The following PFKFB3 variants were observed in gnomAD, a reference collection of about 807,000 sequenced individuals.
The protein encoded by PFKFB3 is 6-phosphofructo-2-kinase/fructose-2,6-biphosphatase 3.
In PFKFB3, 33 loss-of-function variants were observed where a neutral mutation model predicts 68.0. The ratio of observed to expected loss-of-function variants is 0.49; its 90% CI spans 0.37 to 0.65. The LOEUF (loss-of-function observed/expected upper bound fraction) is 0.65, where lower values mean the gene tolerates loss of function less well. PFKFB3 is among the 30% of genes least tolerant of loss of function. PFKFB3 has a pLI of 0.00. For missense variants in PFKFB3, 586 were observed against 712.2 expected (o/e 0.82, Z 2.02); for synonymous variants, 315 against 288.2 (o/e 1.09, Z -0.94).
chr10:6,187,745 G>A (rs1473782138), intron 1 of PFKFB3, among the ~76,000 whole-genome samples: 1 of 152,122 alleles, frequency 6.6e-6, no homozygotes, highest in African/African-American at 2.4e-5. Flanking sequence ...CCGAAACTGA[G>A]GATCATCCTT....
chr10:6,185,815 T>C (rs1468849182), intron 1 of PFKFB3, among the ~76,000 whole-genome samples: 1 of 152,006 alleles, frequency 6.6e-6, no homozygotes, highest in African/African-American at 2.4e-5. Flanking sequence ...AATTTTTGTA[T>C]TTTTAGTTGA....
the PFKFB3 span, among the ~76,000 whole-genome samples, chr10:6,321,798 C>G: frequency 2.0e-5 from 3 of 152,176 alleles, no homozygotes; most frequent in African/African-American, 4.8e-5. Flanking sequence ...TGGCTCAACT[C>G]TATGTAGAAA....
chr10:6,249,145 G>A lies in PFKFB3; in HGVS notation c.1516-5033G>A, dbSNP rs554373734. On this transcript the variant is annotated intron_variant, in intron 14 of 14. Transcript: ENST00000640683. Reference sequence around the variant, plus strand: ...GCTGAGATTGCGCCATTGCACTCCAGCCTAGGCAACAAGAGCAAAACTCCG... The same window carrying A: ...GCTGAGATTGCGCCATTGCACTCCAACCTAGGCAACAAGAGCAAAACTCCG... Among the ~76,000 whole-genome samples, 184 of 127,100 alleles carry A rather than the reference G, an allele frequency of 1.4e-3. 1 individual carries two copies. The highest frequency in any genetic ancestry group is 5.1e-3 in the African/African-American group (165 of 32,424). 83.4% of individuals were successfully genotyped at this position (127,100 alleles called of 152,430 possible). A position where few individuals can be genotyped will look rare whatever the true frequency, so the allele number is the denominator to read the frequency against.
At position 6,249,195 on chromosome 10, in the gene PFKFB3, AAAAAAAAAG is replaced by A. The variant is rs1156703660; in HGVS notation, c.1516-4978_1516-4970del. 1.5e-4 allele frequency among the ~76,000 whole-genome samples: 23 copies of A among 148,392 alleles called. No homozygotes were observed. The East Asian group carries it at 5.9e-3, about 38-fold the overall frequency. The stretch of plus-strand genomic sequence containing the variant: ...GTCTCAATTAAAAAAAAAAAAAAAA[AAAAAAAAAG>A]AAAAGAAAAGGAAACCCTTGTACAC... On this transcript the variant is annotated intron_variant, in intron 14 of 14. Transcript: ENST00000640683.
At chr10:6,307,519 TTCCTTCC>T in the PFKFB3 span, among the ~76,000 whole-genome samples, 1 of 39,570 alleles carries the variant, frequency 2.5e-5, no homozygotes, top group Non-Finnish European at 8.4e-5. Context: ...TTTTCCTTCC[TTCCTTCC>T]TTCCTTCCTT....
the PFKFB3 span, among the ~76,000 whole-genome samples, chr10:6,301,332 C>T: frequency 6.6e-6 from 1 of 152,186 alleles, no homozygotes; most frequent in African/African-American, 2.4e-5. Context: ...GGTACAGTCC[C>T]TGGGTGCTTC....
the PFKFB3 span, among the ~76,000 whole-genome samples, chr10:6,273,945 C>T: frequency 6.6e-6 from 1 of 152,144 alleles, no homozygotes; most frequent in African/African-American, 2.4e-5. Context: ...ACAGCTCATT[C>T]CCATAATCTC....
At chr10:6,183,755 T>C (rs1842790197) in intron 1 of PFKFB3, among the ~76,000 whole-genome samples, 1 of 151,244 alleles carries the variant, frequency 6.6e-6, no homozygotes, top group Non-Finnish European at 1.5e-5. Context: ...TGGCGTGATC[T>C]CGGCTCACTG....
intron 1 of PFKFB3, among the ~76,000 whole-genome samples, chr10:6,206,219 C>T (rs1214398783): frequency 6.3e-4 from 92 of 145,166 alleles, no homozygotes; most frequent in African/African-American, 2.3e-3. Flanking sequence ...CTTAATCCAT[C>T]CAACCCTGAG....
At chr10:6,242,639 G>A (rs1190700159) in intron 14 of PFKFB3, among the ~76,000 whole-genome samples, 1 of 150,636 alleles carries the variant, frequency 6.6e-6, no homozygotes, top group African/African-American at 2.4e-5. Context: ...CCAGGCTGGA[G>A]TGCAATGGTG....
chr10:6,203,789 C>T (rs565876748), intron 1 of PFKFB3, among the ~76,000 whole-genome samples: 102 of 152,346 alleles, frequency 6.7e-4, no homozygotes, highest in Non-Finnish European at 1.3e-3. Flanking sequence ...TTCCTATCCC[C>T]TCGCTTCACT....
intron 8 of PFKFB3, among the ~76,000 whole-genome samples, chr10:6,221,078 T>C (rs1394204725): frequency 6.6e-6 from 1 of 152,142 alleles, no homozygotes; most frequent in East Asian, 1.9e-4. Flanking sequence ...CGCCTATCCA[T>C]GTGGCTTTGT....
intron 8 of PFKFB3, among the ~76,000 whole-genome samples, chr10:6,221,146 ATC>A (rs1658565857): frequency 6.6e-6 from 1 of 151,582 alleles, no homozygotes; most frequent in Non-Finnish European, 1.5e-5. Context: ...TGGTGTGTGT[ATC>A]TCTGTGCATG....
chr10:6,276,293 T>C, the PFKFB3 span, among the ~76,000 whole-genome samples: 1,147 of 152,246 alleles, frequency 7.5e-3, 12 homozygotes, highest in African/African-American at 0.027. Context: ...GTTGTTTATT[T>C]ATATGTATGT....
rs1274821397 is a variant in PFKFB3 at position 6,216,956 on chromosome 10, G to A, written c.441+176G>A. On this transcript the variant is annotated intron_variant, in intron 5 of 14. Coordinates refer to ENST00000379775, the MANE Select transcript of PFKFB3 (RefSeq NM_004566.4). ...GGCCTTAAATTTGGGCCTTTGTGTG[G>A]TAGGGCTCTTGGGGGCCATGGGGCG... Among the ~76,000 whole-genome samples the A allele has an allele frequency of 5.9e-5, 9 of 152,252 alleles. No homozygotes were observed. The East Asian group carries it at 1.4e-3, about 23-fold the overall frequency.
At chr10:6,156,129 A>ATGTGTGTGTGTGTGTG (rs112267780) in intron 1 of PFKFB3, among the ~76,000 whole-genome samples, 3,145 of 96,842 alleles carry the variant, frequency 0.032, 84 homozygotes, top group East Asian at 0.12. Context: ...GTACATATAT[A>ATGTGTGTGTGTGTGTG]TGTGTGTGTG....
chr10:6,320,909 G>A, the PFKFB3 span, among the ~76,000 whole-genome samples: 1 of 152,200 alleles, frequency 6.6e-6, no homozygotes, highest in Non-Finnish European at 1.5e-5. Context: ...AAATCACCTT[G>A]CTGAAGGCCT....
At chr10:6,288,986 G>A in the PFKFB3 span, among the ~76,000 whole-genome samples, 2 of 151,488 alleles carry the variant, frequency 1.3e-5, no homozygotes, top group South Asian at 4.2e-4. Flanking sequence ...GTGTTTTTTG[G>A]CTGCATAAAT....
At chr10:6,315,161 C>T in the PFKFB3 span, among the ~76,000 whole-genome samples, 1 of 152,310 alleles carries the variant, frequency 6.6e-6, no homozygotes, top group African/African-American at 2.4e-5. Flanking sequence ...GACTTTAACC[C>T]TGGCTCATTT....
Sources: gnomAD v4.1 joint callset for allele counts (sites outside exome capture counted in the v4.1 genomes callset) on GRCh38, gnomAD v4.1.1 for gene constraint, MANE v1.5 for transcripts, NCBI Gene and HGNC (gene_info 2026-07-23, HGNC 2026-07-21) for gene names.